Variants in STK32B observed in about 807,000 individuals in gnomAD.
STK32B encodes serine/threonine-protein kinase 32B.
A neutral mutation model predicts 52.6 loss-of-function variants in STK32B; 43 were observed. The ratio of observed to expected loss-of-function variants is 0.82; its 90% CI spans 0.64 to 1.05. The LOEUF (loss-of-function observed/expected upper bound fraction) is 1.05, where lower values mean the gene tolerates loss of function less well. STK32B is among the 50% of genes least tolerant of loss of function. The pLI is 0.00. For missense variants in STK32B, 621 were observed against 534.6 expected, an observed-to-expected ratio of 1.16 and a Z score of -1.59; for synonymous variants, 238 against 204.3, an observed-to-expected ratio of 1.17 and a Z score of -1.41.
At chr4:5,040,847 G>A in the STK32B span, among the ~76,000 whole-genome samples, 3 of 152,182 alleles carry the variant, frequency 2.0e-5, no homozygotes, top group Non-Finnish European at 2.9e-5. Context: ...GCTATGTGGT[G>A]TAGCCAATAG....
rs1312095068 is a variant in STK32B at position 5,258,981 on chromosome 4, G to T, written c.261-72239G>T. 2.0e-5 allele frequency among the ~76,000 whole-genome samples: 3 copies of T among 152,100 alleles called. No individual in the cohort carries two copies. In the East Asian group the frequency reaches 5.8e-4, roughly 29 times the overall value. ...CTCACTTCTTTCCAGGCTTGTAAAA[G>T]CCTGTTTTTCAGGCACCTGCCTTTG... On this transcript the variant is annotated intron_variant, in intron 3 of 11. Transcript: ENST00000282908.
chr4:5,344,779 T>C (rs1471375576), intron 4 of STK32B, among the ~76,000 whole-genome samples: 1 of 152,112 alleles, frequency 6.6e-6, no homozygotes, highest in African/African-American at 2.4e-5. Flanking sequence ...TTAAAACAGT[T>C]TTATCTATGC....
At chr4:5,119,215 C>T (rs929429389) in intron 1 of STK32B, among the ~76,000 whole-genome samples, 9 of 152,206 alleles carry the variant, frequency 5.9e-5, no homozygotes, top group Non-Finnish European at 1.2e-4. Flanking sequence ...GGCATAATTC[C>T]CACAGCGTTT....
chr4:5,162,897 T>G (rs914931588), intron 2 of STK32B, among the ~76,000 whole-genome samples: 1 of 152,226 alleles, frequency 6.6e-6, no homozygotes, highest in Admixed American at 6.5e-5. Context: ...TGTGAGCTTG[T>G]GAGGCCAAAA....
chr4:5,429,477 C>T (rs1247272637), intron 6 of STK32B, among the ~76,000 whole-genome samples: 2 of 151,978 alleles, frequency 1.3e-5, no homozygotes, highest in Non-Finnish European at 2.9e-5. Flanking sequence ...TTCAATTAAT[C>T]AGAAAATACC....
At chr4:5,374,568 A>G (rs950105044) in intron 4 of STK32B, among the ~76,000 whole-genome samples, 98 of 152,326 alleles carry the variant, frequency 6.4e-4, no homozygotes, top group Middle Eastern at 3.4e-3. Context: ...CTGAAGAATC[A>G]GTGTCTGGCG....
chr4:5,071,718 A>T (rs1711790325), intron 1 of STK32B, among the ~76,000 whole-genome samples: 1 of 152,142 alleles, frequency 6.6e-6, no homozygotes, highest in African/African-American at 2.4e-5. Context: ...TTTGCTTAGG[A>T]TTTGCATTTG....
At chr4:5,056,809 C>T (rs1742025279) in intron 1 of STK32B, among the ~76,000 whole-genome samples, 1 of 152,180 alleles carries the variant, frequency 6.6e-6, no homozygotes, top group East Asian at 1.9e-4. Flanking sequence ...GAGTCAGCTC[C>T]ACTTGAGGCA....
At chr4:5,229,993 T>C (rs190346942) in intron 3 of STK32B, among the ~76,000 whole-genome samples, 2 of 151,984 alleles carry the variant, frequency 1.3e-5, no homozygotes, top group Admixed American at 6.6e-5. Context: ...CTTTATCTTA[T>C]TTTATTATTA....
At chr4:5,415,717 A>C (rs171844) in intron 5 of STK32B, among the ~76,000 whole-genome samples, 85,276 of 152,066 alleles carry the variant, frequency 0.56, 25,454 homozygotes, top group Middle Eastern at 0.73. Context: ...TTGGCTGAGC[A>C]GCTTGCTCAC....
At chr4:5,037,007 G>A in the STK32B span, among the ~76,000 whole-genome samples, 1 of 152,164 alleles carries the variant, frequency 6.6e-6, no homozygotes, top group African/African-American at 2.4e-5. Flanking sequence ...TCTCTGGCAA[G>A]AGTGTGGATG....
rs547720633 is a variant in STK32B, at chr4:5,164,834, C to T, written c.109-3465C>T. On this transcript the variant is annotated intron_variant, in intron 2 of 11. Transcript: ENST00000282908. ...CCCTGGAAGACCCACCCGTTGGAGACCCACTTGTCTCCACTCAGTGCATTA... is the reference window on the plus strand; with the variant it reads ...CCCTGGAAGACCCACCCGTTGGAGATCCACTTGTCTCCACTCAGTGCATTA... 3.3e-4 allele frequency among the ~76,000 whole-genome samples: 50 copies of T among 152,366 alleles called. No individual in the cohort carries two copies. The South Asian group carries it at 9.3e-3, about 28-fold the overall frequency.
intron 3 of STK32B, among the ~76,000 whole-genome samples, chr4:5,308,452 A>T (rs1730072464): frequency 6.6e-6 from 1 of 151,142 alleles, no homozygotes; most frequent in South Asian, 2.1e-4. Flanking sequence ...CCGATGCCTC[A>T]GTTTCTTCCT....
At chr4:5,204,458 T>TTTTTG (rs10694962) in intron 3 of STK32B, among the ~76,000 whole-genome samples, 21,281 of 146,710 alleles carry the variant, frequency 0.15, 1,637 homozygotes, top group Middle Eastern at 0.18. Context: ...TTTTTAGGTT[T>TTTTTG]TTTTGTTTTG....
At position 5,460,353 on chromosome 4, in the gene STK32B, C is replaced by T; in HGVS notation, c.909+125C>T. The T allele has an allele frequency of 2.1e-6, 3 of 1,411,548 alleles. No individual in the cohort carries two copies. Among genetic ancestry groups the T allele is most frequent in the South Asian group, 2.8e-5 (2 of 71,720 alleles). 87.4% of individuals were successfully genotyped at this position (1,411,548 alleles called of 1,614,324 possible). ...GCCACTTCCACCTGAGCACCAAGGG[C>T]TTATGTCTTGCTGGAATTCAGGGTG... On this transcript the variant is annotated intron_variant, in intron 9 of 11. Coordinates refer to ENST00000282908, the MANE Select transcript of STK32B (RefSeq NM_018401.3). The surrounding 1 kb of genome is among the most constrained non-coding windows in gnomAD (Gnocchi z 4.8).
intron 3 of STK32B, among the ~76,000 whole-genome samples, chr4:5,247,359 G>C (rs927511661): frequency 1.3e-5 from 2 of 152,226 alleles, no homozygotes; most frequent in East Asian, 3.8e-4. Context: ...CATAGGCGTA[G>C]GACCCTCTGA....
At position 5,227,453 on chromosome 4, in the gene STK32B, C is replaced by T. The variant is rs1459740734; in HGVS notation, c.260+59003C>T. 2.0e-5 allele frequency among the ~76,000 whole-genome samples: 3 copies of T among 152,308 alleles called. No homozygotes were observed. In the South Asian group the frequency reaches 6.2e-4, roughly 32 times the overall value. The stretch of plus-strand genomic sequence containing the variant: ...TTAATTTATTAATACCACCACTGAA[C>T]TCATTCGGAAAATCTTTAAATAATT... On this transcript the variant is annotated intron_variant, in intron 3 of 11. Transcript: ENST00000282908.
intron 1 of STK32B, among the ~76,000 whole-genome samples, chr4:5,136,004 C>G (rs1461833937): frequency 6.6e-6 from 1 of 152,110 alleles, no homozygotes; most frequent in African/African-American, 2.4e-5. Flanking sequence ...AATGCAAATT[C>G]TCTAATGCCT....
chr4:5,319,888 C>G (rs1317359163), intron 3 of STK32B, among the ~76,000 whole-genome samples: 1 of 152,126 alleles, frequency 6.6e-6, no homozygotes, highest in East Asian at 1.9e-4. Flanking sequence ...GAGAAGCTGC[C>G]TCCCAGAATG....
Sources: allele counts gnomAD v4.1 joint callset (sites outside exome capture counted in the v4.1 genomes callset), GRCh38; gene constraint gnomAD v4.1.1; non-coding constraint Gnocchi (gnomAD v3.1); transcripts MANE v1.5; gene names NCBI Gene and HGNC (gene_info 2026-07-23, HGNC 2026-07-21).